TRPC6: variants seen among roughly 807,000 people sequenced by gnomAD.
TRPC6 encodes short transient receptor potential channel 6.
A neutral mutation model predicts 90.7 loss-of-function variants in TRPC6; 55 were observed. The ratio of observed to expected loss-of-function variants is 0.61; its 90% CI spans 0.49 to 0.76. The LOEUF (loss-of-function observed/expected upper bound fraction) is 0.76, where lower values mean the gene tolerates loss of function less well. Ranked by LOEUF, TRPC6 falls within the 30% of genes least tolerant of loss-of-function variation. The probability of loss-of-function intolerance (pLI) is 0.00; values close to 1 mark genes in which losing one functional copy is unlikely to be tolerated. For missense variants in TRPC6, 989 were observed against 1,122.7 expected (o/e 0.88, Z 1.70); for synonymous variants, 393 against 393.0 (o/e 1.00, Z 0.00).
chr11:101,495,934 G>C (rs1859935173), intron 2 of TRPC6, among the ~76,000 whole-genome samples: 2 of 152,098 alleles, frequency 1.3e-5, no homozygotes, highest in Admixed American at 6.6e-5. Context: ...AGAACTACCT[G>C]AGACTGGGTA....
intron 1 of TRPC6, among the ~76,000 whole-genome samples, chr11:101,563,245 A>G (rs961084179): frequency 1.3e-5 from 2 of 152,174 alleles, no homozygotes; most frequent in African/African-American, 4.8e-5. Flanking sequence ...AACTGATTAT[A>G]AGGTTGATTA....
intron 1 of TRPC6, among the ~76,000 whole-genome samples, chr11:101,572,960 A>T (rs901450304): frequency 9.2e-5 from 14 of 152,144 alleles, no homozygotes; most frequent in Non-Finnish European, 1.9e-4. Flanking sequence ...ATACCTATGT[A>T]ACAAACCTGC....
At chr11:101,554,857 G>T (rs969523572) in intron 1 of TRPC6, among the ~76,000 whole-genome samples, 2 of 151,998 alleles carry the variant, frequency 1.3e-5, no homozygotes, top group African/African-American at 4.8e-5. Flanking sequence ...GCCCTAGCTT[G>T]TCCTCCCACT....
chr11:101,583,328 A>G lies in TRPC6; in HGVS notation c.170+6T>C. 6.3e-7 allele frequency: 1 copy of G among 1,580,000 alleles called. No individual in the cohort carries two copies. Among genetic ancestry groups the G allele is most frequent in the Non-Finnish European group, 8.6e-7 (1 of 1,163,656 alleles). On this transcript the variant is annotated splice_donor_region_variant and intron_variant, in intron 1 of 12. Coordinates refer to ENST00000344327, the MANE Select transcript of TRPC6 (RefSeq NM_004621.6). ...GCCCGATCCGCCCCGCGTCGCCGGC[A>G]CTCACAAGCAGGGGTAGTAGCCGTA...
At chr11:101,538,700 A>T (rs11224825) in intron 1 of TRPC6, among the ~76,000 whole-genome samples, 2 of 152,118 alleles carry the variant, frequency 1.3e-5, no homozygotes, top group Non-Finnish European at 2.9e-5. Context: ...GACGTAAGGC[A>T]GAATGAGAGA....
chr11:101,533,444 A>G (rs887548777), intron 1 of TRPC6, among the ~76,000 whole-genome samples: 3 of 152,182 alleles, frequency 2.0e-5, no homozygotes, highest in Non-Finnish European at 4.4e-5. Context: ...TCACTGTCAC[A>G]AAGACAGTGC....
intron 10 of TRPC6, among the ~76,000 whole-genome samples, chr11:101,456,879 A>G (rs894446654): frequency 1.3e-5 from 2 of 152,188 alleles, no homozygotes; most frequent in African/African-American, 4.8e-5. Context: ...ATTTTCAGAA[A>G]AAAATTCTAG....
intron 1 of TRPC6, 107 bp downstream of exon 1, chr11:101,583,227 C>A: frequency 6.8e-7 from 1 of 1,476,170 alleles, no homozygotes; most frequent in Non-Finnish European, 9.0e-7. Context: ...CTAGGAGGTA[C>A]ACACGCGGGT....
chr11:101,579,842 G>C (rs980573351), intron 1 of TRPC6, among the ~76,000 whole-genome samples: 5 of 152,082 alleles, frequency 3.3e-5, no homozygotes, highest in Non-Finnish European at 7.3e-5. Flanking sequence ...GGCACCAAGA[G>C]TTTACCTTCT....
chr11:101,464,062 T>C (rs1358679355), intron 10 of TRPC6, among the ~76,000 whole-genome samples: 2 of 152,244 alleles, frequency 1.3e-5, no homozygotes, highest in African/African-American at 4.8e-5. Flanking sequence ...TTTCATTGTT[T>C]ACCCAGTAGT....
rs530040068 is a variant in TRPC6 at position 101,558,016 on chromosome 11, A to G, written c.170+25318T>C. Among the ~76,000 whole-genome samples the G allele has an allele frequency of 7.9e-5, 12 of 152,164 alleles. No homozygotes were observed. In the South Asian group the frequency reaches 2.5e-3, roughly 32 times the overall value. On this transcript the variant is annotated intron_variant, in intron 1 of 12. Coordinates refer to ENST00000344327, the MANE Select transcript of TRPC6 (RefSeq NM_004621.6). ...AAAATTCCAATGTCATTTTTCATAAAAAGAGAAAAACAGTCCTAAAATTCA... is the reference window on the plus strand; with the variant it reads ...AAAATTCCAATGTCATTTTTCATAAGAAGAGAAAAACAGTCCTAAAATTCA...
chr11:101,519,128 G>A (rs914443744), intron 1 of TRPC6, among the ~76,000 whole-genome samples: 4 of 152,152 alleles, frequency 2.6e-5, no homozygotes, highest in African/African-American at 9.7e-5. Flanking sequence ...CTATTTGATA[G>A]CACAATAGGT....
At chr11:101,523,769 T>C (rs1371798301) in intron 1 of TRPC6, among the ~76,000 whole-genome samples, 1 of 152,240 alleles carries the variant, frequency 6.6e-6, no homozygotes, top group Non-Finnish European at 1.5e-5. Flanking sequence ...TCAAATACTT[T>C]GCTTCACTTA....
At chr11:101,530,311 G>A (rs1006199628) in intron 1 of TRPC6, among the ~76,000 whole-genome samples, 1 of 152,142 alleles carries the variant, frequency 6.6e-6, no homozygotes, top group East Asian at 1.9e-4. Context: ...AAGCAGGCTT[G>A]CTGAACTCCA....
intron 1 of TRPC6, among the ~76,000 whole-genome samples, chr11:101,541,979 G>A (rs1861182756): frequency 1.3e-5 from 2 of 152,072 alleles, no homozygotes; most frequent in Non-Finnish European, 2.9e-5. Context: ...GGCAACTCTT[G>A]GATAATTCAG....
chr11:101,464,296 A>G (rs1236361339), intron 10 of TRPC6, among the ~76,000 whole-genome samples: 1 of 152,172 alleles, frequency 6.6e-6, no homozygotes, highest in East Asian at 1.9e-4. Context: ...AGTTCTGTAG[A>G]TGTCTATTAG....
intron 1 of TRPC6, among the ~76,000 whole-genome samples, chr11:101,580,526 T>C (rs1862172089): frequency 6.6e-6 from 1 of 152,148 alleles, no homozygotes; most frequent in Non-Finnish European, 1.5e-5. Context: ...ACAAATAAGA[T>C]AATTTACCAT....
intron 2 of TRPC6, 141 bp downstream of exon 2, chr11:101,503,883 A>T: frequency 9.5e-7 from 1 of 1,054,568 alleles, no homozygotes; most frequent in East Asian, 2.5e-5. Flanking sequence ...CAATGATTAT[A>T]ATAAAGAGCT....
chr11:101,458,898 A>G (rs538947373), intron 10 of TRPC6, among the ~76,000 whole-genome samples: 1 of 152,318 alleles, frequency 6.6e-6, no homozygotes, highest in African/African-American at 2.4e-5. Flanking sequence ...TTAGATATAG[A>G]TGTTATGAAA....
Sources: gnomAD v4.1 joint callset for allele counts (sites outside exome capture counted in the v4.1 genomes callset) on GRCh38, gnomAD v4.1.1 for gene constraint, MANE v1.5 for transcripts, NCBI Gene and HGNC (gene_info 2026-07-23, HGNC 2026-07-21) for gene names.